The following JAM2 variants were observed in gnomAD, a reference collection of about 807,000 sequenced individuals.
The protein encoded by JAM2 is junctional adhesion molecule B.
Under a neutral mutation model 42.0 loss-of-function variants are expected in JAM2, and 17 were observed. The ratio of observed to expected loss-of-function variants is 0.40; its 90% CI spans 0.28 to 0.61. The LOEUF (loss-of-function observed/expected upper bound fraction) is 0.61, where lower values mean the gene tolerates loss of function less well. JAM2 is among the 20% of genes least tolerant of loss of function. The pLI, the probability that JAM2 is intolerant of heterozygous loss-of-function variation, is 0.37. For synonymous variants in JAM2, 118 were observed against 128.6 expected (o/e 0.92, Z 0.56); for missense variants, 319 against 358.3 (o/e 0.89, Z 0.89).
chr21:25,661,369 A>G (rs1008277278), intron 1 of JAM2, among the ~76,000 whole-genome samples: 4 of 152,274 alleles, frequency 2.6e-5, no homozygotes, highest in East Asian at 1.9e-4. Context: ...AGGCTGAAGC[A>G]GGAGGATCCC....
At position 25,639,900 on chromosome 21, in the gene JAM2, G is replaced by A. The variant is rs1465165880; in HGVS notation, c.67+12G>A. Reference sequence around the variant, plus strand: ...GGTCGCCCTGGGCTGTAAGTTGCTCGGGTTCCTCTACCCTTCCTGCCTGGA... The same window carrying A: ...GGTCGCCCTGGGCTGTAAGTTGCTCAGGTTCCTCTACCCTTCCTGCCTGGA... On this transcript the variant is annotated intron_variant, in intron 1 of 9. Transcript: ENST00000480456. The A allele has an allele frequency of 2.5e-6, 4 of 1,575,370 alleles. No individual in the cohort carries two copies. Among genetic ancestry groups the A allele is most frequent in the African/African-American group, 2.7e-5 (2 of 74,034 alleles).
chr21:25,673,262 C>T (rs1322910553), intron 1 of JAM2, among the ~76,000 whole-genome samples: 1 of 152,128 alleles, frequency 6.6e-6, no homozygotes, highest in Non-Finnish European at 1.5e-5. Flanking sequence ...TTAATTACTT[C>T]ATCTCTTTCT....
intron 1 of JAM2, among the ~76,000 whole-genome samples, chr21:25,665,784 T>C (rs935830048): frequency 5.3e-5 from 8 of 152,188 alleles, no homozygotes; most frequent in African/African-American, 1.9e-4. Flanking sequence ...CTCACGTCTG[T>C]AATCCCAGCA....
rs370362217 is a variant in JAM2, at chr21:25,691,552, C to T, written c.241+1579C>T. The stretch of plus-strand genomic sequence containing the variant: ...CACTATTTTAATTCTGAATATGTTA[C>T]TATCAAAAAATAAAATAATGTTTTT... On this transcript the variant is annotated intron_variant, in intron 3 of 9. Coordinates refer to ENST00000480456, the MANE Select transcript of JAM2 (RefSeq NM_021219.4). Among the ~76,000 whole-genome samples, 199 of 152,296 alleles carry T rather than the reference C, an allele frequency of 1.3e-3. 5 individuals carry two copies. Among genetic ancestry groups the T allele is most frequent in the East Asian group, 3.9e-4 (2 of 5,186 alleles).
chr21:25,642,118 C>A (rs886902533), intron 1 of JAM2, among the ~76,000 whole-genome samples: 3 of 152,058 alleles, frequency 2.0e-5, no homozygotes, highest in African/African-American at 7.2e-5. Context: ...TAATGTAGTG[C>A]ATACCAGTTT....
chr21:25,698,753 C>T lies in JAM2; in HGVS notation c.471C>T (p.Asp157=), dbSNP rs754526438. The T allele has an allele frequency of 1.2e-6, 2 of 1,614,128 alleles. No homozygotes were observed. The highest frequency in any genetic ancestry group is 2.2e-5 in the South Asian group (2 of 91,074). The change falls in exon 5 of 10, where the codon GAC becomes GAT. Residue 157 remains aspartate, a synonymous_variant. Coordinates refer to ENST00000480456, the MANE Select transcript of JAM2 (RefSeq NM_021219.4). ...SGTVVELRCQ[D]KEGNPAPEYT... ...CTGTGGTAGAGCTACGATGTCAAGA[C>T]AAAGAAGGGAATCCAGCTCCTGAAT...
chr21:25,645,163 G>A (rs2032570596), intron 1 of JAM2, among the ~76,000 whole-genome samples: 1 of 152,186 alleles, frequency 6.6e-6, no homozygotes, highest in African/African-American at 2.4e-5. Context: ...TTACAGGCGT[G>A]AGCCACCGCG....
At chr21:25,684,067 G>A in intron 2 of JAM2, 119 bp downstream of exon 2, 1 of 588,062 alleles carries the variant, frequency 1.7e-6, no homozygotes, top group South Asian at 3.1e-5. Context: ...TAATTCCTCT[G>A]CCTGAAATGC....
At chr21:25,669,397 G>T (rs530036950) in intron 1 of JAM2, among the ~76,000 whole-genome samples, 41 of 123,456 alleles carry the variant, frequency 3.3e-4, no homozygotes, top group Admixed American at 5.6e-4. Flanking sequence ...AAGAAAAAAA[G>T]AAAAAAAAAG....
At chr21:25,705,500 G>A (rs1467161727) in intron 6 of JAM2, among the ~76,000 whole-genome samples, 2 of 152,132 alleles carry the variant, frequency 1.3e-5, no homozygotes, top group African/African-American at 4.8e-5. Flanking sequence ...AGCCTCCTGA[G>A]TAGCTGGGAT....
intron 4 of JAM2, among the ~76,000 whole-genome samples, chr21:25,695,848 G>A (rs990303775): frequency 2.0e-5 from 3 of 151,082 alleles, no homozygotes; most frequent in African/African-American, 4.9e-5. Flanking sequence ...GGGCAGAGGC[G>A]CTTCCCACAT....
At position 25,688,015 on chromosome 21, in the gene JAM2, C is replaced by T. The variant is rs114856356; in HGVS notation, c.134-1851C>T. 2.0e-3 allele frequency among the ~76,000 whole-genome samples: 301 copies of T among 152,302 alleles called. 1 individual carries two copies. The highest frequency in any genetic ancestry group is 7.0e-3 in the African/African-American group (291 of 41,554). ...TCCCAAAGGGCAAGGATCTTTGTTT[C>T]GTTCACTGATACAGCTCAAGAACAA... is the stretch of plus-strand genomic sequence containing the variant. On this transcript the variant is annotated intron_variant, in intron 2 of 9. Coordinates refer to ENST00000480456, the MANE Select transcript of JAM2 (RefSeq NM_021219.4).
chr21:25,702,552 T>A (rs1171711736), intron 6 of JAM2, among the ~76,000 whole-genome samples: 1 of 152,222 alleles, frequency 6.6e-6, no homozygotes, highest in Non-Finnish European at 1.5e-5. Flanking sequence ...GTAGTCTTTC[T>A]CTCAAATAAA....
intron 1 of JAM2, among the ~76,000 whole-genome samples, chr21:25,670,720 CAAAAG>C (rs2123347242): frequency 6.6e-6 from 1 of 152,106 alleles, no homozygotes; most frequent in East Asian, 1.9e-4. Context: ...CTGTTTTTAC[CAAAAG>C]AAAAGGGAAA....
intron 1 of JAM2, among the ~76,000 whole-genome samples, chr21:25,662,615 G>A (rs975545508): frequency 6.6e-6 from 1 of 152,066 alleles, no homozygotes; most frequent in African/African-American, 2.4e-5. Context: ...CACCGCACCT[G>A]GCTATACTTA....
At chr21:25,646,584 G>A (rs2032620041) in intron 1 of JAM2, among the ~76,000 whole-genome samples, 1 of 152,026 alleles carries the variant, frequency 6.6e-6, no homozygotes, top group Admixed American at 6.6e-5. Flanking sequence ...AAGAGAGAGA[G>A]AGAGAAGGAG....
At position 25,650,491 on chromosome 21, in the gene JAM2, A is replaced by G. The variant is rs566157799; in HGVS notation, c.67+10603A>G. Among the ~76,000 whole-genome samples, 15 of 152,342 alleles carry G rather than the reference A, an allele frequency of 9.8e-5. No homozygotes were observed. The South Asian group carries it at 2.9e-3, about 29-fold the overall frequency. On this transcript the variant is annotated intron_variant, in intron 1 of 9. Transcript: ENST00000480456. ...TGTGCTACTGCCACCCAGGACAGCT[A>G]TCTAAAGATGCTGGCATGTTCAAAA...
intron 2 of JAM2, among the ~76,000 whole-genome samples, chr21:25,689,582 A>G (rs907028754): frequency 2.0e-5 from 3 of 152,182 alleles, no homozygotes; most frequent in Non-Finnish European, 4.4e-5. Flanking sequence ...TGCATATCTT[A>G]TTGCATTTGA....
chr21:25,693,705 C>T (rs761084101), intron 3 of JAM2, 51 bp from the exon 4 acceptor site: 2 of 1,487,324 alleles, frequency 1.3e-6, no homozygotes, highest in Non-Finnish European at 1.9e-6. Flanking sequence ...AGGTATTACA[C>T]AGAAAGCTAC....
Sources: gnomAD v4.1 joint callset for allele counts (sites outside exome capture counted in the v4.1 genomes callset) on GRCh38, gnomAD v4.1.1 for gene constraint, MANE v1.5 for transcripts, NCBI Gene and HGNC (gene_info 2026-07-23, HGNC 2026-07-21) for gene names.